TMEM161B: variants seen among roughly 807,000 people sequenced by gnomAD.
The protein encoded by TMEM161B is transmembrane protein 161B.
TMEM161B carries 34 observed loss-of-function variants against 61.8 expected under a neutral mutation model. That is an observed-to-expected ratio of 0.55 (90% CI 0.42 to 0.73). TMEM161B has a LOEUF of 0.73. Ranked by LOEUF, TMEM161B falls within the 30% of genes least tolerant of loss-of-function variation. TMEM161B has a pLI of 0.00. For missense variants in TMEM161B, 456 were observed against 558.5 expected (o/e 0.82, Z 1.85); for synonymous variants, 167 against 192.8 (o/e 0.87, Z 1.11).
intron 1 of TMEM161B, among the ~76,000 whole-genome samples, chr5:88,267,238 T>C (rs567168684): frequency 2.6e-5 from 4 of 152,180 alleles, no homozygotes; most frequent in Non-Finnish European, 5.9e-5. Context: ...GGAAGAGTGA[T>C]TACTAGGCTT....
intron 1 of TMEM161B, among the ~76,000 whole-genome samples, chr5:88,243,846 T>C (rs374523927): frequency 6.6e-6 from 1 of 151,934 alleles, no homozygotes; most frequent in South Asian, 2.1e-4. Context: ...TAATGATTAG[T>C]GATGTTTAGC....
chr5:88,219,688 A>T (rs1207146475), intron 5 of TMEM161B, among the ~76,000 whole-genome samples: 1 of 152,194 alleles, frequency 6.6e-6, no homozygotes, highest in African/African-American at 2.4e-5. Flanking sequence ...AATTCTGAAG[A>T]AAACCTATTT....
exon 13 of TMEM161B, chr5:88,189,971 C>T (rs1191873002): frequency 1.5e-6 from 1 of 674,338 alleles, no homozygotes; most frequent in East Asian, 2.7e-5. Context: ...CCTTTGCCGT[C>T]TTCTGTACCA....
At chr5:88,256,394 T>C (rs1754988293) in intron 1 of TMEM161B, among the ~76,000 whole-genome samples, 1 of 152,232 alleles carries the variant, frequency 6.6e-6, no homozygotes, top group Non-Finnish European at 1.5e-5. Context: ...TCCTAAATTC[T>C]GTCACTTTTC....
Position 88,231,157 on chromosome 5 carries a change from C to T in TMEM161B, c.108-2629G>A, listed in dbSNP as rs1391733287. Among the ~76,000 whole-genome samples the T allele has an allele frequency of 3.3e-5, 5 of 152,138 alleles. No individual in the cohort carries two copies. In the East Asian group the frequency reaches 9.6e-4, roughly 29 times the overall value. ...ACTCTGCTCTTTCCCAGAACTTACC[C>T]TATGCGCTTTCTTTAAATAATACTG... On this transcript the variant is annotated intron_variant, in intron 2 of 11. Transcript: ENST00000296595.
intron 9 of TMEM161B, chr5:88,200,759 T>G (rs1007970324): frequency 6.6e-6 from 1 of 152,082 alleles, no homozygotes; most frequent in African/African-American, 2.4e-5. Flanking sequence ...CCTGATGCCA[T>G]TCTGAGCTTT....
At chr5:88,190,876 A>G (rs960721543), downstream of TMEM161B, among the ~76,000 whole-genome samples, 8 of 152,118 alleles carry the variant, frequency 5.3e-5, no homozygotes, top group Non-Finnish European at 8.8e-5. Context: ...TTTATGGATT[A>G]TCTTAGAGAT....
intron 8 of TMEM161B, among the ~76,000 whole-genome samples, chr5:88,204,696 G>A (rs1745101717): frequency 6.6e-6 from 1 of 151,930 alleles, no homozygotes; most frequent in Non-Finnish European, 1.5e-5. Context: ...GAAGCCATTA[G>A]GGAGACGGGT....
At chr5:88,190,361 C>T, downstream of TMEM161B, 1 of 665,094 alleles carries the variant, frequency 1.5e-6, no homozygotes, top group Non-Finnish European at 2.7e-6. Flanking sequence ...GACTCCTGAC[C>T]TAGATGGGTG....
At chr5:88,257,730 A>G (rs1755158274) in intron 1 of TMEM161B, among the ~76,000 whole-genome samples, 1 of 152,244 alleles carries the variant, frequency 6.6e-6, no homozygotes, top group Admixed American at 6.5e-5. Context: ...GCTAATGGCA[A>G]TGAATAATAA....
At chr5:88,263,928 C>T (rs1756010999) in intron 1 of TMEM161B, among the ~76,000 whole-genome samples, 1 of 152,118 alleles carries the variant, frequency 6.6e-6, no homozygotes, top group Non-Finnish European at 1.5e-5. Context: ...AGTCAGAGAA[C>T]TGAGAAGAAA....
intron 5 of TMEM161B, among the ~76,000 whole-genome samples, chr5:88,210,669 T>G (rs533839515): frequency 6.6e-6 from 1 of 152,148 alleles, no homozygotes; most frequent in East Asian, 1.9e-4. Context: ...TGTAGCAGTT[T>G]TGTACACTCC....
chr5:88,251,047 C>A (rs1754279761), intron 1 of TMEM161B: 1 of 152,286 alleles, frequency 6.6e-6, no homozygotes, highest in African/African-American at 2.4e-5. Context: ...TTGAGTGAGA[C>A]TGATCACTGC....
chr5:88,231,354 G>T (rs763319926), intron 2 of TMEM161B, among the ~76,000 whole-genome samples: 2 of 152,128 alleles, frequency 1.3e-5, no homozygotes, highest in Non-Finnish European at 2.9e-5. Flanking sequence ...ACAATCTTAC[G>T]GAGAACTTCG....
chr5:88,243,198 C>G (rs1753021462), intron 1 of TMEM161B, among the ~76,000 whole-genome samples: 1 of 151,664 alleles, frequency 6.6e-6, no homozygotes, highest in African/African-American at 2.4e-5. Context: ...AGGTAATGAG[C>G]ATAGTACCTG....
intron 2 of TMEM161B, among the ~76,000 whole-genome samples, chr5:88,234,608 G>A (rs573075449): frequency 5.9e-5 from 9 of 152,050 alleles, no homozygotes; most frequent in Non-Finnish European, 1.0e-4. Flanking sequence ...ATAAAATGAC[G>A]GCCTGCTTGC....
chr5:88,198,313 G>T (rs1366156811), intron 10 of TMEM161B: 1 of 152,104 alleles, frequency 6.6e-6, no homozygotes, highest in Non-Finnish European at 1.5e-5. Context: ...ACTGAAGCTG[G>T]TTGGGCGTGG....
At chr5:88,262,119 A>C (rs945426274) in intron 1 of TMEM161B, among the ~76,000 whole-genome samples, 6 of 152,188 alleles carry the variant, frequency 3.9e-5, no homozygotes, top group African/African-American at 1.4e-4. Flanking sequence ...AAGACCTTAA[A>C]AGACACCTCA....
At chr5:88,259,753 T>C (rs1010423388) in intron 1 of TMEM161B, among the ~76,000 whole-genome samples, 11 of 152,232 alleles carry the variant, frequency 7.2e-5, no homozygotes, top group Non-Finnish European at 1.3e-4. Context: ...TTGAATACTA[T>C]AGAGATATAT....
Sources: gnomAD v4.1 joint callset for allele counts (sites outside exome capture counted in the v4.1 genomes callset) on GRCh38, gnomAD v4.1.1 for gene constraint, MANE v1.5 for transcripts, NCBI Gene and HGNC (gene_info 2026-07-23, HGNC 2026-07-21) for gene names.